The following CTDSPL2 variants were observed in gnomAD, a reference collection of about 807,000 sequenced individuals.
CTDSPL2 encodes CTD small phosphatase-like protein 2.
CTDSPL2 carries 5 observed loss-of-function variants against 60.0 expected under a neutral mutation model. That is an observed-to-expected ratio of 0.08 (90% CI 0.04 to 0.18). The LOEUF is 0.18. CTDSPL2 is among the 10% of genes least tolerant of loss of function. CTDSPL2 has a pLI of 1.00. For synonymous variants in CTDSPL2, 186 were observed against 189.3 expected (o/e 0.98, Z 0.14); for missense variants, 370 against 548.8 (o/e 0.67, Z 3.26).
At chr15:44,474,277 G>T (rs1038221374) in intron 2 of CTDSPL2, among the ~76,000 whole-genome samples, 2 of 152,116 alleles carry the variant, frequency 1.3e-5, no homozygotes, top group African/African-American at 2.4e-5. Context: ...GATTGCCTGA[G>T]CTCAGGAGTT....
chr15:44,486,758 G>GGT, intron 4 of CTDSPL2, 58 bp downstream of exon 4: 4 of 800,354 alleles, frequency 5.0e-6, no homozygotes, highest in South Asian at 4.0e-5. Context: ...CATAGTTTGG[G>GGT]TTTTTTTTTT....
chr15:44,508,165 C>T (rs2081504118), intron 8 of CTDSPL2, among the ~76,000 whole-genome samples: 1 of 151,924 alleles, frequency 6.6e-6, no homozygotes, highest in Admixed American at 6.6e-5. Context: ...TCACTGCAGC[C>T]TCAACCTCCT....
At chr15:44,456,707 AT>A (rs201709565) in intron 1 of CTDSPL2, among the ~76,000 whole-genome samples, 4 of 151,146 alleles carry the variant, frequency 2.6e-5, no homozygotes, top group African/African-American at 7.3e-5. Flanking sequence ...GGATTCATTG[AT>A]TTTTTTTAAG....
intron 1 of CTDSPL2, among the ~76,000 whole-genome samples, chr15:44,458,144 A>G (rs901746055): frequency 2.0e-4 from 31 of 152,192 alleles, no homozygotes; most frequent in African/African-American, 7.0e-4. Flanking sequence ...GAGCCTCAGA[A>G]TGGTAAGGTA....
chr15:44,476,214 G>C (rs544717824), intron 2 of CTDSPL2, among the ~76,000 whole-genome samples: 1 of 151,910 alleles, frequency 6.6e-6, no homozygotes, highest in Non-Finnish European at 1.5e-5. Flanking sequence ...GACTACAGGC[G>C]CCCACCACCA....
chr15:44,495,967 G>C (rs1048575911), intron 5 of CTDSPL2, among the ~76,000 whole-genome samples: 1 of 152,026 alleles, frequency 6.6e-6, no homozygotes, highest in African/African-American at 2.4e-5. Flanking sequence ...ATTTGGGTCT[G>C]TTGTCAGCAT....
intron 8 of CTDSPL2, among the ~76,000 whole-genome samples, chr15:44,506,025 CTTTTTTT>C (rs753896129): frequency 3.3e-4 from 39 of 117,580 alleles, no homozygotes; most frequent in African/African-American, 1.1e-3. Flanking sequence ...TCATTGGTAA[CTTTTTTT>C]TTTTTTTTTT....
At chr15:44,432,613 C>A (rs983021322) in intron 1 of CTDSPL2, among the ~76,000 whole-genome samples, 1 of 149,252 alleles carries the variant, frequency 6.7e-6, no homozygotes, top group Non-Finnish European at 1.5e-5. Flanking sequence ...AGCCACTGTG[C>A]CCGGCCTATT....
chr15:44,496,343 G>T, intron 5 of CTDSPL2, 37 bp from the exon 6 acceptor site: 2 of 1,400,322 alleles, frequency 1.4e-6, no homozygotes, highest in South Asian at 2.4e-5. Context: ...GAAGCATTAA[G>T]TAAAAGCAAC....
At chr15:44,465,292 A>G (rs189436229) in intron 2 of CTDSPL2, among the ~76,000 whole-genome samples, 8 of 152,308 alleles carry the variant, frequency 5.3e-5, no homozygotes, top group Admixed American at 5.2e-4. Context: ...TTTGTTTTCT[A>G]CCATGAATCT....
In CTDSPL2 at chr15:44,445,086, C is replaced by T. The variant is rs373421707; in HGVS notation, c.-24-13905C>T. On this transcript the variant is annotated intron_variant, in intron 1 of 12. Coordinates refer to ENST00000260327, the MANE Select transcript of CTDSPL2 (RefSeq NM_016396.3). ...GTCTCGATCTCCAGACCTTGTGATC[C>T]GCCCGCCTCGGCCTCCCAGAGTGCT... Among the ~76,000 whole-genome samples, 686 of 151,516 alleles carry T rather than the reference C, an allele frequency of 4.5e-3. 4 individuals carry two copies. Among genetic ancestry groups the T allele is most frequent in the African/African-American group, 0.016 (645 of 41,332 alleles).
intron 10 of CTDSPL2, among the ~76,000 whole-genome samples, chr15:44,516,328 G>GTGTATTTTCTGCTGTTA (rs1406109722): frequency 8.5e-5 from 13 of 152,220 alleles, no homozygotes; most frequent in South Asian, 2.1e-4. Context: ...AAATCCTAAA[G>GTGTATTTTCTGCTGTTA]TGTATTTTCT....
At chr15:44,475,939 T>A (rs1427959606) in intron 2 of CTDSPL2, among the ~76,000 whole-genome samples, 2 of 152,240 alleles carry the variant, frequency 1.3e-5, no homozygotes, top group African/African-American at 4.8e-5. Flanking sequence ...ATAGATTTAC[T>A]GCTTTGTGAG....
At chr15:44,429,896 T>C (rs1219438580) in intron 1 of CTDSPL2, among the ~76,000 whole-genome samples, 7 of 152,164 alleles carry the variant, frequency 4.6e-5, no homozygotes, top group African/African-American at 1.7e-4. Context: ...CTATAAATGA[T>C]GTAGTCCTTA....
At chr15:44,459,267 C>T (rs1484372601) in intron 2 of CTDSPL2, 67 bp downstream of exon 2, 3 of 1,172,954 alleles carry the variant, frequency 2.6e-6, no homozygotes, top group Non-Finnish European at 3.6e-6. Context: ...GTGGCTCACG[C>T]CTGTAATCCC....
chr15:44,514,958 A>T, intron 10 of CTDSPL2, 114 bp downstream of exon 10: 1 of 610,598 alleles, frequency 1.6e-6, no homozygotes, highest in East Asian at 2.7e-5. Context: ...TGAATGGTGA[A>T]TATAAATGAA....
chr15:44,437,379 T>A (rs1285274071), intron 1 of CTDSPL2, among the ~76,000 whole-genome samples: 1 of 152,236 alleles, frequency 6.6e-6, no homozygotes, highest in African/African-American at 2.4e-5. Flanking sequence ...GGGAGCAGAT[T>A]ATCAACTGAA....
At chr15:44,496,861 A>G (rs1337030060) in intron 6 of CTDSPL2, among the ~76,000 whole-genome samples, 166 bp from the exon 7 acceptor site, 6 of 152,284 alleles carry the variant, frequency 3.9e-5, no homozygotes, top group Middle Eastern at 3.4e-3. Context: ...AGCTGTTACT[A>G]TTTTACAGAG....
intron 1 of CTDSPL2, among the ~76,000 whole-genome samples, chr15:44,436,209 G>A (rs904221930): frequency 3.3e-5 from 5 of 152,304 alleles, no homozygotes; most frequent in Non-Finnish European, 7.3e-5. Context: ...GTAAGTTAAT[G>A]TAAATTTAGT....
Sources: gnomAD v4.1 joint callset for allele counts (sites outside exome capture counted in the v4.1 genomes callset) on GRCh38, gnomAD v4.1.1 for gene constraint, MANE v1.5 for transcripts, NCBI Gene and HGNC (gene_info 2026-07-23, HGNC 2026-07-21) for gene names.